The following GRIK1 variants were observed in gnomAD, a reference collection of about 807,000 sequenced individuals.
The protein encoded by GRIK1 is glutamate ionotropic receptor kainate type subunit 1, also known as glutamate receptor ionotropic, kainate 1.
A neutral mutation model predicts 105.7 loss-of-function variants in GRIK1; 69 were observed. That is an observed-to-expected ratio of 0.65 (90% CI 0.54 to 0.80). GRIK1 has a LOEUF of 0.80. GRIK1 is among the 30% of genes least tolerant of loss of function. The probability of loss-of-function intolerance (pLI) is 0.00; values close to 1 mark genes in which losing one functional copy is unlikely to be tolerated. For missense variants in GRIK1, 1,109 were observed against 1,167.3 expected (o/e 0.95, Z 0.73); for synonymous variants, 438 against 431.3 (o/e 1.02, Z -0.19).
intron 6 of GRIK1, among the ~76,000 whole-genome samples, chr21:29,646,587 G>A (rs888569053): frequency 1.3e-5 from 2 of 152,172 alleles, no homozygotes; most frequent in Non-Finnish European, 2.9e-5. Flanking sequence ...TTAGAGACAA[G>A]GACTGACGAC....
intron 4 of GRIK1, among the ~76,000 whole-genome samples, chr21:29,659,890 A>G (rs1394181617): frequency 6.6e-6 from 1 of 152,168 alleles, no homozygotes; most frequent in African/African-American, 2.4e-5. Flanking sequence ...TGAACCTGGT[A>G]GGCGGAGATT....
chr21:29,859,781 T>C (rs467506), intron 1 of GRIK1, among the ~76,000 whole-genome samples: 51,137 of 152,180 alleles, frequency 0.34, 9,612 homozygotes, highest in African/African-American at 0.51. Flanking sequence ...GTTTTGGAAT[T>C]TGTAGTCAGA....
chr21:29,910,081 G>T (rs751848173), intron 1 of GRIK1, among the ~76,000 whole-genome samples: 63 of 152,108 alleles, frequency 4.1e-4, no homozygotes, highest in Non-Finnish European at 7.4e-4. Flanking sequence ...ATGCTTGAGG[G>T]AATTGAAACT....
chr21:29,836,623 GTA>G (rs1294720360), intron 1 of GRIK1, among the ~76,000 whole-genome samples: 2 of 152,014 alleles, frequency 1.3e-5, no homozygotes, highest in Admixed American at 6.6e-5. Context: ...ATTTTGATAA[GTA>G]TATATTTAAT....
intron 1 of GRIK1, among the ~76,000 whole-genome samples, chr21:29,768,686 C>A (rs1385537825): frequency 6.6e-6 from 1 of 152,084 alleles, no homozygotes. Flanking sequence ...CGGAGGAGCC[C>A]GGGGAGGAAG....
intron 1 of GRIK1, among the ~76,000 whole-genome samples, chr21:29,818,943 G>C (rs979030038): frequency 6.6e-6 from 1 of 152,074 alleles, no homozygotes; most frequent in Non-Finnish European, 1.5e-5. Context: ...ATGTCAGCAA[G>C]TAGAAAAGCT....
In GRIK1 at chr21:29,754,367, G is replaced by T. The variant is rs4315610; in HGVS notation, c.119-60304C>A. ...ACTGAGGTCCCAAGCAGGAGATCAA[G>T]AATATGGAAGGAAAAACTAAACTTC... On this transcript the variant is annotated intron_variant, in intron 1 of 17. Transcript: ENST00000327783. Among the ~76,000 whole-genome samples, 257 of 152,260 alleles carry T rather than the reference G, an allele frequency of 1.7e-3. 1 individual carries two copies. The highest frequency in any genetic ancestry group is 5.9e-3 in the African/African-American group (245 of 41,554).
At chr21:29,714,674 G>A (rs977387978) in intron 1 of GRIK1, among the ~76,000 whole-genome samples, 2 of 152,184 alleles carry the variant, frequency 1.3e-5, no homozygotes, top group Admixed American at 1.3e-4. Flanking sequence ...AAATCAGAGA[G>A]CACCTCAGGC....
chr21:29,598,725 C>A, intron 8 of GRIK1, 105 bp downstream of exon 8: 1 of 562,228 alleles, frequency 1.8e-6, no homozygotes, highest in South Asian at 2.7e-5. Flanking sequence ...AAAGAACATG[C>A]TTAGAGAATC....
chr21:29,856,445 C>T (rs2068466931), intron 1 of GRIK1, among the ~76,000 whole-genome samples: 2 of 152,104 alleles, frequency 1.3e-5, no homozygotes, highest in Admixed American at 6.5e-5. Context: ...ACTGCAATGC[C>T]CCTTGTGTGT....
intron 7 of GRIK1, chr21:29,630,457 A>AG (rs2062240801): frequency 2.2e-6 from 1 of 465,012 alleles, no homozygotes; most frequent in African/African-American, 2.0e-5. Flanking sequence ...ATTATCCTGC[A>AG]GGGGAGGGCT....
At chr21:29,896,048 G>A (rs117553083) in intron 1 of GRIK1, among the ~76,000 whole-genome samples, 5,266 of 152,102 alleles carry the variant, frequency 0.035, 128 homozygotes, top group South Asian at 0.076. Flanking sequence ...TATCTCCCTC[G>A]CTTTTTTCCA....
At chr21:29,814,494 C>G (rs143743995) in intron 1 of GRIK1, among the ~76,000 whole-genome samples, 3 of 151,970 alleles carry the variant, frequency 2.0e-5, no homozygotes, top group Non-Finnish European at 4.4e-5. Context: ...CCATTTACAG[C>G]CTAATTGGCA....
At chr21:29,761,353 G>A (rs563285417) in intron 1 of GRIK1, 23 of 152,286 alleles carry the variant, frequency 1.5e-4, no homozygotes, top group Admixed American at 1.4e-3. Context: ...TTGACAGAAA[G>A]ACCACAGGCC....
At chr21:29,590,148 G>A (rs1402416693) in intron 10 of GRIK1, among the ~76,000 whole-genome samples, 1 of 152,100 alleles carries the variant, frequency 6.6e-6, no homozygotes, top group African/African-American at 2.4e-5. Context: ...TTATATTTAG[G>A]TTTATCCTCA....
In GRIK1 at chr21:29,741,149, T is replaced by G. The variant is rs111559627; in HGVS notation, c.119-47086A>C. ...TGTTCCTCCAAACTATCCTTTCTGGTGCTTTTCTTGTCCTTAAGACAATTT... is the reference window on the plus strand; with the variant it reads ...TGTTCCTCCAAACTATCCTTTCTGGGGCTTTTCTTGTCCTTAAGACAATTT... On this transcript the variant is annotated intron_variant, in intron 1 of 17. Transcript: ENST00000327783. 3.7e-3 allele frequency among the ~76,000 whole-genome samples: 567 copies of G among 152,324 alleles called. 1 individual carries two copies. The highest frequency in any genetic ancestry group is 0.013 in the African/African-American group (543 of 41,582).
At chr21:29,846,028 T>C (rs896229500) in intron 1 of GRIK1, among the ~76,000 whole-genome samples, 3 of 152,200 alleles carry the variant, frequency 2.0e-5, no homozygotes, top group Admixed American at 2.0e-4. Context: ...CCTGTTTTTT[T>C]CCTCAGCCTC....
chr21:29,636,057 G>A (rs1010832708), intron 7 of GRIK1, among the ~76,000 whole-genome samples: 8 of 152,148 alleles, frequency 5.3e-5, no homozygotes, highest in African/African-American at 1.2e-4. Flanking sequence ...CCAGCCCAGC[G>A]AGATCTGTCC....
chr21:29,684,029 G>C (rs1391797453), intron 3 of GRIK1, among the ~76,000 whole-genome samples: 1 of 152,164 alleles, frequency 6.6e-6, no homozygotes, highest in Non-Finnish European at 1.5e-5. Flanking sequence ...ACATAAAACT[G>C]TATACCTCAT....
Sources: gnomAD v4.1 joint callset for allele counts (sites outside exome capture counted in the v4.1 genomes callset) on GRCh38, gnomAD v4.1.1 for gene constraint, MANE v1.5 for transcripts, NCBI Gene and HGNC (gene_info 2026-07-23, HGNC 2026-07-21) for gene names.